Variants in RIT2 observed in about 807,000 individuals in gnomAD.
RIT2 encodes the protein Ras like without CAAX 2.
RIT2 carries 24 observed loss-of-function variants against 23.7 expected under a neutral mutation model. The observed-to-expected ratio is 1.01, with a 90% CI of 0.73 to 1.43. The LOEUF is 1.43. Ranked by LOEUF, RIT2 falls within the 40% of genes most tolerant of loss-of-function variation. RIT2 has a pLI of 0.00. For synonymous variants in RIT2, 107 were observed against 91.1 expected, an observed-to-expected ratio of 1.17 and a Z score of -0.99; for missense variants, 236 against 266.9, an observed-to-expected ratio of 0.88 and a Z score of 0.81.
intron 2 of RIT2, among the ~76,000 whole-genome samples, chr18:42,987,930 G>A (rs1910751384): frequency 1.3e-5 from 2 of 152,134 alleles, no homozygotes; most frequent in East Asian, 1.9e-4. Context: ...CATGAGAGTA[G>A]TACCAAGCCA....
intron 2 of RIT2, among the ~76,000 whole-genome samples, chr18:42,996,087 AAT>A (rs1910976951): frequency 6.6e-6 from 1 of 152,130 alleles, no homozygotes; most frequent in Non-Finnish European, 1.5e-5. Flanking sequence ...TTAGACCTTT[AAT>A]ACCTGTTTTT....
chr18:43,101,672 C>T (rs1281452513), intron 1 of RIT2, among the ~76,000 whole-genome samples: 2 of 152,098 alleles, frequency 1.3e-5, no homozygotes, highest in African/African-American at 4.8e-5. Context: ...GAATTACATT[C>T]AGAAAATATA....
At position 42,956,912 on chromosome 18, in the gene RIT2, T is replaced by A. The variant is rs1051760646; in HGVS notation, c.234+17162A>T. Among the ~76,000 whole-genome samples, 22 of 152,054 alleles carry A rather than the reference T, an allele frequency of 1.4e-4. 1 individual carries two copies. The highest frequency in any genetic ancestry group is 2.6e-4 in the Non-Finnish European group (18 of 67,964). The stretch of plus-strand genomic sequence containing the variant: ...AACAAGCTGGAGAGGAGTCCATTGG[T>A]AGGAGATAAAGAGGAGACTGTTGTA... On this transcript the variant is annotated intron_variant, in intron 3 of 4. Transcript: ENST00000326695.
intron 1 of RIT2, among the ~76,000 whole-genome samples, chr18:43,077,102 C>CAAAA (rs34419558): frequency 2.5e-5 from 2 of 80,224 alleles, no homozygotes; most frequent in African/African-American, 9.3e-5. Flanking sequence ...GACTCCGTCT[C>CAAAA]AAAAAAAAAA....
At chr18:42,802,489 A>T (rs1353665789) in intron 4 of RIT2, among the ~76,000 whole-genome samples, 2 of 152,204 alleles carry the variant, frequency 1.3e-5, no homozygotes, top group African/African-American at 4.8e-5. Context: ...TTATGGAAGG[A>T]TGAACTGATA....
intron 1 of RIT2, among the ~76,000 whole-genome samples, chr18:43,050,807 A>G (rs1912362933): frequency 6.6e-6 from 1 of 152,148 alleles, no homozygotes; most frequent in Non-Finnish European, 1.5e-5. Flanking sequence ...GGACAGCTGA[A>G]CACATGGAAG....
intron 4 of RIT2, among the ~76,000 whole-genome samples, chr18:42,798,204 C>G (rs180879134): frequency 5.3e-5 from 8 of 152,188 alleles, no homozygotes; most frequent in African/African-American, 1.9e-4. Context: ...ATTAAGTAAC[C>G]CCTATGTTTC....
At chr18:43,090,553 T>C (rs898612260) in intron 1 of RIT2, among the ~76,000 whole-genome samples, 3 of 152,124 alleles carry the variant, frequency 2.0e-5, no homozygotes, top group Non-Finnish European at 4.4e-5. Context: ...CATTCTGTTA[T>C]AGAGACACAT....
At chr18:43,072,899 G>A (rs1399957684) in intron 1 of RIT2, among the ~76,000 whole-genome samples, 2 of 152,058 alleles carry the variant, frequency 1.3e-5, no homozygotes, top group East Asian at 1.9e-4. Flanking sequence ...GGATGCTGTG[G>A]GAGAAAGGAG....
intron 3 of RIT2, among the ~76,000 whole-genome samples, chr18:42,947,300 C>T (rs2144167270): frequency 6.6e-6 from 1 of 152,168 alleles, no homozygotes; most frequent in South Asian, 2.1e-4. Context: ...ATTCCTTTGT[C>T]TTGAAAACAC....
intron 4 of RIT2, among the ~76,000 whole-genome samples, chr18:42,877,860 T>C (rs1031853825): frequency 2.0e-5 from 3 of 151,770 alleles, no homozygotes; most frequent in Non-Finnish European, 4.4e-5. Flanking sequence ...ATATGAAACA[T>C]AGATAAATTT....
chr18:43,049,656 C>A (rs1912330342), intron 1 of RIT2, among the ~76,000 whole-genome samples: 2 of 152,102 alleles, frequency 1.3e-5, no homozygotes, highest in South Asian at 2.1e-4. Flanking sequence ...TTAATTATTT[C>A]TCTGAGAAGG....
chr18:42,843,318 C>A (rs1293689130), intron 4 of RIT2, among the ~76,000 whole-genome samples: 1 of 152,104 alleles, frequency 6.6e-6, no homozygotes, highest in African/African-American at 2.4e-5. Context: ...CTATGTCAGC[C>A]GTTGAAAAAT....
At chr18:42,760,325 C>A (rs946799235) in intron 4 of RIT2, among the ~76,000 whole-genome samples, 7 of 152,182 alleles carry the variant, frequency 4.6e-5, no homozygotes, top group Non-Finnish European at 8.8e-5. Flanking sequence ...GGACACACAG[C>A]ATGCTGGAGT....
At chr18:43,078,805 T>G (rs187707428) in intron 1 of RIT2, among the ~76,000 whole-genome samples, 57 of 152,318 alleles carry the variant, frequency 3.7e-4, no homozygotes, top group Non-Finnish European at 6.0e-4. Flanking sequence ...GAGTTGTTTC[T>G]CTCTGACTGT....
At chr18:42,976,468 G>A (rs1910480262) in intron 2 of RIT2, among the ~76,000 whole-genome samples, 1 of 151,944 alleles carries the variant, frequency 6.6e-6, no homozygotes, top group Non-Finnish European at 1.5e-5. Flanking sequence ...AGACTGCCTG[G>A]GTGTAAACCC....
At chr18:42,804,929 A>G (rs1905641052) in intron 4 of RIT2, among the ~76,000 whole-genome samples, 1 of 152,226 alleles carries the variant, frequency 6.6e-6, no homozygotes, top group Non-Finnish European at 1.5e-5. Context: ...GGGAACAAGG[A>G]TTTTTAATGG....
intron 3 of RIT2, among the ~76,000 whole-genome samples, chr18:42,940,863 G>C (rs2144158365): frequency 6.6e-6 from 1 of 152,190 alleles, no homozygotes; most frequent in East Asian, 1.9e-4. Flanking sequence ...ATGCTGGTAA[G>C]TTTTCTAACT....
At chr18:42,809,880 GTATA>G (rs1212575827) in intron 4 of RIT2, among the ~76,000 whole-genome samples, 1 of 138,062 alleles carries the variant, frequency 7.2e-6, no homozygotes, top group African/African-American at 2.7e-5. Context: ...TATATAATTT[GTATA>G]TATGTTATAT....
Sources: allele counts gnomAD v4.1 joint callset (sites outside exome capture counted in the v4.1 genomes callset), GRCh38; gene constraint gnomAD v4.1.1; transcripts MANE v1.5; gene names NCBI Gene and HGNC (gene_info 2026-07-23, HGNC 2026-07-21).